The following PCDHB1 variants were observed in gnomAD, a reference collection of about 807,000 sequenced individuals.
The protein encoded by PCDHB1 is protocadherin beta-1.
A neutral mutation model predicts 43.5 loss-of-function variants in PCDHB1; 44 were observed. The ratio of observed to expected loss-of-function variants is 1.01; its 90% CI spans 0.79 to 1.30. PCDHB1 has a LOEUF of 1.30. PCDHB1 is among the 50% of genes most tolerant of loss of function. PCDHB1 has a pLI of 0.00. For synonymous variants in PCDHB1, 392 were observed against 400.8 expected (o/e 0.98, Z 0.26); for missense variants, 919 against 1,008.9 (o/e 0.91, Z 1.21).
At position 141,054,086 on chromosome 5, in the gene PCDHB1, T is replaced by A. The variant is rs1339873391; in HGVS notation, c.*159T>A. ...GAAAATGGGAAACCTAGAGTGAGGCTAGGCTTACTCAATACAAAGCAGTTA... is the reference window on the plus strand; with the variant it reads ...GAAAATGGGAAACCTAGAGTGAGGCAAGGCTTACTCAATACAAAGCAGTTA... On this transcript the variant is annotated 3_prime_UTR_variant, in exon 1 of 1. Transcript: ENST00000306549. 3.7e-5 allele frequency: 23 copies of A among 619,104 alleles called. No individual in the cohort carries two copies. In the East Asian group the frequency reaches 6.3e-4, roughly 17 times the overall value. The allele number at this position is 619,104 out of a possible 1,614,324, so 38.4% of individuals were successfully genotyped here.
Position 141,051,582 on chromosome 5 carries a change from G to C in PCDHB1, c.112G>C (p.Glu38Gln). ...AACTATCCGCTATTCAGTGGCAGAG[G>C]AAATGGAGAGCGGCTCGTTTGTGGC... ...ATTIRYSVAE[E>Q]MESGSFVANV... Residue 38 changes from glutamate to glutamine, a missense_variant, in exon 1 of 1, where the codon GAA (glutamate) becomes CAA (glutamine). Physicochemically the swap from Glu to Gln is conservative, Grantham distance 29 (BLOSUM62 2). Coordinates refer to ENST00000306549, the MANE Select transcript of PCDHB1 (RefSeq NM_013340.4). The C allele has an allele frequency of 6.2e-7, 1 of 1,614,268 alleles. No individual in the cohort carries two copies. The highest frequency in any genetic ancestry group is 1.1e-5 in the South Asian group (1 of 91,088).
rs782075137 is a variant in PCDHB1 at position 141,051,475 on chromosome 5, C to A, written c.5C>A (p.Ala2Glu). ...AGAGCGCGCTTGTGAGAACTGATGG[C>A]GGGTACGCGCAGAAAATCTTTGCAA... The part of the protein sequence containing the change: M[A>E]GTRRKSLQNR... The change falls in exon 1 of 1, where the codon GCG becomes GAG. Residue 2 changes from alanine to glutamate, a missense_variant. Transcript: ENST00000306549. 3.1e-6 allele frequency: 5 copies of A among 1,613,554 alleles called. No homozygotes were observed. Among genetic ancestry groups the A allele is most frequent in the Non-Finnish European group, 3.4e-6 (4 of 1,179,580 alleles).
chr5:141,053,245 C>A lies in PCDHB1; in HGVS notation c.1775C>A (p.Ala592Asp). The A allele has an allele frequency of 6.2e-7, 1 of 1,614,198 alleles. No homozygotes were observed. The highest frequency in any genetic ancestry group is 8.5e-7 in the Non-Finnish European group (1 of 1,180,034). Residue 592 changes from alanine (A) to aspartate (D), a missense_variant, in exon 1 of 1, where the codon GCT (alanine) becomes GAT (aspartate). Transcript: ENST00000306549. ...EAGYLVTKVV[A>D]VDGDSGQNSW... ...GGCTACCTAGTGACCAAAGTGGTGG[C>A]TGTGGATGGTGACTCAGGTCAGAAT... is the stretch of plus-strand genomic sequence containing the variant.
chr5:141,052,111 C>T lies in PCDHB1; in HGVS notation c.641C>T (p.Ala214Val), dbSNP rs1554267179. Reference sequence around the variant, plus strand: ...CCTGAAGTCAACTTGACAATTACGGCGGTGGACGGCGGGTCCCCGCCTAAG... The same window carrying T: ...CCTGAAGTCAACTTGACAATTACGGTGGTGGACGGCGGGTCCCCGCCTAAG... ...EQPEVNLTIT[A>V]VDGGSPPKSG... The change falls in exon 1 of 1, where the codon GCG becomes GTG. Residue 214 changes from alanine (A) to valine (V), a missense_variant. Transcript: ENST00000306549. The T allele has an allele frequency of 6.2e-7, 1 of 1,612,658 alleles. No individual in the cohort carries two copies. Among genetic ancestry groups the T allele is most frequent in the East Asian group, 2.2e-5 (1 of 44,806 alleles).
rs1554267368 is a variant in PCDHB1, at chr5:141,053,019, C to T, written c.1549C>T (p.Leu517=). Reference sequence around the variant, plus strand: ...TTCAGGCAATGGGAAGCTCTACGCGCTGAGAACCATGGATTATGAGGCCAT... The same window carrying T: ...TTCAGGCAATGGGAAGCTCTACGCGTTGAGAACCATGGATTATGAGGCCAT... ...INSGNGKLYA[L]RTMDYEAIQD... is the part of the protein sequence containing the mutation. The change falls in exon 1 of 1, where the codon CTG becomes TTG. Residue 517 remains leucine (L), a synonymous_variant. Coordinates refer to ENST00000306549, the MANE Select transcript of PCDHB1 (RefSeq NM_013340.4). 6.2e-7 allele frequency: 1 copy of T among 1,614,190 alleles called. No homozygotes were observed. The highest frequency in any genetic ancestry group is 1.1e-5 in the South Asian group (1 of 91,084).
rs1751062230 is a variant in PCDHB1, at chr5:141,053,806, CT to C, written c.2339del (p.Phe780SerfsTer8). The C allele has an allele frequency of 1.2e-6, 2 of 1,614,140 alleles. No homozygotes were observed. The highest frequency in any genetic ancestry group is 1.7e-6 in the Non-Finnish European group (2 of 1,180,000). On this transcript the variant is annotated frameshift_variant, in exon 1 of 1. Coordinates refer to ENST00000306549, the MANE Select transcript of PCDHB1 (RefSeq NM_013340.4). LOFTEE classifies it high-confidence loss of function. ...CTTAAGCGTTTTATGCCCAACTTCCCTTTCCCTCATGCCACTGGGGAGATAA... is the reference window on the plus strand; with the variant it reads ...CTTAAGCGTTTTATGCCCAACTTCCCTTCCCTCATGCCACTGGGGAGATAA... ...RFLKRFMPNF[P>X]FPHATGEIKM...
Position 141,053,447 on chromosome 5 carries a change from C to T in PCDHB1, c.1977C>T (p.Leu659=), listed in dbSNP as rs1751048349. 1.9e-6 allele frequency: 3 copies of T among 1,614,106 alleles called. No individual in the cohort carries two copies. The highest frequency in any genetic ancestry group is 1.3e-5 in the African/African-American group (1 of 74,938). Residue 659 remains leucine, a synonymous_variant, in exon 1 of 1, where the codon CTC becomes CTT. Transcript: ENST00000306549. ...GQPALSTTVS[L]NILLVDGFSE... ...CAGCTCTTTCCACTACTGTCTCACT[C>T]AACATCCTGCTGGTAGATGGCTTTT...
rs782453777 is a variant in PCDHB1, at chr5:141,052,027, G to C, written c.557G>C (p.Ser186Thr). Residue 186 changes from serine to threonine, a missense_variant, in exon 1 of 1, where the codon AGC becomes ACC. Transcript: ENST00000306549. Reference protein sequence around the residue: ...GYFHLHTRFCSHGPKYAELVL... With the variant: ...GYFHLHTRFCTHGPKYAELVL... ...TTCCACCTGCACACCCGCTTCTGCA[G>C]CCACGGGCCTAAATATGCTGAGCTG... 6.2e-7 allele frequency: 1 copy of C among 1,614,184 alleles called. No homozygotes were observed. Among genetic ancestry groups the C allele is most frequent in the South Asian group, 1.1e-5 (1 of 91,082 alleles).
chr5:141,051,457 G>C lies in PCDHB1; in HGVS notation c.-14G>C. The C allele has an allele frequency of 6.2e-7, 1 of 1,612,528 alleles. No individual in the cohort carries two copies. Among genetic ancestry groups the C allele is most frequent in the Non-Finnish European group, 8.5e-7 (1 of 1,178,570 alleles). On this transcript the variant is annotated 5_prime_UTR_variant, in exon 1 of 1. Transcript: ENST00000306549. ...AGTTGGCTCTGATTGCAGAGAGCGC[G>C]CTTGTGAGAACTGATGGCGGGTACG...
chr5:141,053,259 T>C lies in PCDHB1; in HGVS notation c.1789T>C (p.Ser597Pro). 1 of 1,614,218 alleles carries C rather than the reference T, an allele frequency of 6.2e-7. No individual in the cohort carries two copies. Among genetic ancestry groups the C allele is most frequent in the Non-Finnish European group, 8.5e-7 (1 of 1,180,038 alleles). ...VTKVVAVDGD[S>P]GQNSWLSYHL... ...CAAAGTGGTGGCTGTGGATGGTGAC[T>C]CAGGTCAGAATTCTTGGCTTTCATA... Residue 597 changes from serine to proline, a missense_variant, in exon 1 of 1, where the codon TCA (serine) becomes CCA (proline). Ser to Pro is a moderately conservative substitution (Grantham distance 74, BLOSUM62 -1). Transcript: ENST00000306549.
chr5:141,052,916 T>A lies in PCDHB1; in HGVS notation c.1446T>A (p.Gly482=). Residue 482 remains glycine, a synonymous_variant, in exon 1 of 1, where the codon GGT becomes GGA. Transcript: ENST00000306549. The part of the protein sequence containing the change: ...GKVHAEDLDL[G]ENAQITYSLL... Reference sequence around the variant, plus strand: ...TCCATGCTGAGGATCTTGATTTGGGTGAGAATGCCCAAATAACATATTCTC... The same window carrying A: ...TCCATGCTGAGGATCTTGATTTGGGAGAGAATGCCCAAATAACATATTCTC... The A allele has an allele frequency of 6.2e-7, 1 of 1,614,196 alleles. No homozygotes were observed. Among genetic ancestry groups the A allele is most frequent in the Non-Finnish European group, 8.5e-7 (1 of 1,180,028 alleles).
chr5:141,052,011 C>T lies in PCDHB1; in HGVS notation c.541C>T (p.His181Tyr), dbSNP rs200874801. 6.2e-6 allele frequency: 10 copies of T among 1,614,166 alleles called. No individual in the cohort carries two copies. The East Asian group carries it at 2.2e-4, about 36-fold the overall frequency. ...GAGTGCCAATGGGTATTTCCACCTG[C>T]ACACCCGCTTCTGCAGCCACGGGCC... ...TLSANGYFHL[H>Y]TRFCSHGPKY... Residue 181 changes from histidine (H) to tyrosine (Y), a missense_variant, in exon 1 of 1, where the codon CAC becomes TAC. By Grantham distance (83) the His-to-Tyr change is moderately conservative. Coordinates refer to ENST00000306549, the MANE Select transcript of PCDHB1 (RefSeq NM_013340.4).
chr5:141,051,412 A>G lies in PCDHB1; in HGVS notation c.-59A>G. 6 of 1,573,022 alleles carry G rather than the reference A, an allele frequency of 3.8e-6. No individual in the cohort carries two copies. In the South Asian group the frequency reaches 7.0e-5, roughly 18 times the overall value. The stretch of plus-strand genomic sequence containing the variant: ...CTGTTGCAGTAACCTGTTGCAGAAA[A>G]GTGAAAGTATATCCGCAACAGTTGG... On this transcript the variant is annotated 5_prime_UTR_variant, in exon 1 of 1. Transcript: ENST00000306549.
At position 141,051,485 on chromosome 5, in the gene PCDHB1, C is replaced by A; in HGVS notation, c.15C>A (p.Arg5=). 1 of 1,613,990 alleles carries A rather than the reference C, an allele frequency of 6.2e-7. No individual in the cohort carries two copies. The highest frequency in any genetic ancestry group is 8.5e-7 in the Non-Finnish European group (1 of 1,179,828). ...TGTGAGAACTGATGGCGGGTACGCG[C>A]AGAAAATCTTTGCAAAACAGGCAAG... The part of the protein sequence containing the change: MAGT[R]RKSLQNRQVG... The change falls in exon 1 of 1, where the codon CGC becomes CGA. Residue 5 remains arginine (R), a synonymous_variant. Coordinates refer to ENST00000306549, the MANE Select transcript of PCDHB1 (RefSeq NM_013340.4).
chr5:141,051,413 G>A lies in PCDHB1; in HGVS notation c.-58G>A. On this transcript the variant is annotated 5_prime_UTR_variant, in exon 1 of 1. It adds an upstream start codon to the 5' untranslated region. Transcript: ENST00000306549. Reference sequence around the variant, plus strand: ...TGTTGCAGTAACCTGTTGCAGAAAAGTGAAAGTATATCCGCAACAGTTGGC... The same window carrying A: ...TGTTGCAGTAACCTGTTGCAGAAAAATGAAAGTATATCCGCAACAGTTGGC... 1 of 1,576,882 alleles carries A rather than the reference G, an allele frequency of 6.3e-7. No individual in the cohort carries two copies. The highest frequency in any genetic ancestry group is 8.7e-7 in the Non-Finnish European group (1 of 1,153,940).
Position 141,059,113 on chromosome 5 carries a change from T to G in PCDHB1, c.*5186T>G, listed in dbSNP as rs2154005887. 1 of 152,232 alleles carries G rather than the reference T, an allele frequency of 6.6e-6. No homozygotes were observed. Among genetic ancestry groups the G allele is most frequent in the East Asian group, 1.9e-4 (1 of 5,194 alleles). The allele number at this position is 152,232 out of a possible 1,614,324, so 9.4% of individuals were successfully genotyped here. On this transcript the variant is annotated 3_prime_UTR_variant, in exon 1 of 1. Coordinates refer to ENST00000306549, the MANE Select transcript of PCDHB1 (RefSeq NM_013340.4). ...TCATGCATAAAGTTTTAACTTTAAA[T>G]GAAAATTATACTAACATAATTTTAA...
Position 141,053,158 on chromosome 5 carries a change from T to C in PCDHB1, c.1688T>C (p.Leu563Ser), listed in dbSNP as rs1554267396. The part of the protein sequence containing the change: ...LDDNDNRPMI[L>S]YPLQNGTLPC... ...GACAATGACAATCGTCCAATGATCT[T>C]ATACCCACTGCAGAACGGCACCTTG... The change falls in exon 1 of 1, where the codon TTA (leucine) becomes TCA (serine). Residue 563 changes from leucine (L) to serine (S), a missense_variant. Transcript: ENST00000306549. 1.9e-6 allele frequency: 3 copies of C among 1,614,058 alleles called. No homozygotes were observed. In the African/African-American group the frequency reaches 4.0e-5, roughly 22 times the overall value.
Position 141,053,301 on chromosome 5 carries a change from A to G in PCDHB1, c.1831A>G (p.Thr611Ala). 2 of 1,614,236 alleles carry G rather than the reference A, an allele frequency of 1.2e-6. No homozygotes were observed. Among genetic ancestry groups the G allele is most frequent in the Non-Finnish European group, 1.7e-6 (2 of 1,180,042 alleles). ...GCTTTCATATCATCTACTTAAGGCCACTGACCTTGGGTTATTTTCTGTTCA... is the reference window on the plus strand; with the variant it reads ...GCTTTCATATCATCTACTTAAGGCCGCTGACCTTGGGTTATTTTCTGTTCA... ...SWLSYHLLKA[T>A]DLGLFSVQRQ... Residue 611 changes from threonine (T) to alanine (A), a missense_variant, in exon 1 of 1, where the codon ACT becomes GCT. Coordinates refer to ENST00000306549, the MANE Select transcript of PCDHB1 (RefSeq NM_013340.4).
rs1751044686 is a variant in PCDHB1 at position 141,053,339 on chromosome 5, A to T, written c.1869A>T (p.Gly623=). 6.2e-7 allele frequency: 1 copy of T among 1,614,082 alleles called. No individual in the cohort carries two copies. The change falls in exon 1 of 1, where the codon GGA becomes GGT. Residue 623 remains glycine (G), a synonymous_variant. Transcript: ENST00000306549. ...TATTTTCTGTTCAAAGACAAAATGG[A>T]GAAATCCATACATTAAGGCAGATAT... ...LGLFSVQRQN[G]EIHTLRQISE...
Sources: gnomAD v4.1 joint callset for allele counts on GRCh38, gnomAD v4.1.1 for gene constraint, MANE v1.5 for transcripts, NCBI Gene and HGNC (gene_info 2026-07-23, HGNC 2026-07-21) for gene names.